ZNF248: variants seen among roughly 807,000 people sequenced by gnomAD.
ZNF248 encodes zinc finger protein 248.
In ZNF248, 20 loss-of-function variants were observed where a neutral mutation model predicts 44.3. The ratio of observed to expected loss-of-function variants is 0.45; its 90% CI spans 0.32 to 0.66. The LOEUF (loss-of-function observed/expected upper bound fraction) is 0.66, where lower values mean the gene tolerates loss of function less well. ZNF248 is among the 30% of genes least tolerant of loss of function. The probability of loss-of-function intolerance (pLI) is 0.04; values close to 1 mark genes in which losing one functional copy is unlikely to be tolerated. For synonymous variants in ZNF248, 224 were observed against 229.0 expected (o/e 0.98, Z 0.20); for missense variants, 654 against 677.0 (o/e 0.97, Z 0.38).
chr10:37,762,725 A>G, the ZNF248 span, among the ~76,000 whole-genome samples: 2 of 152,340 alleles, frequency 1.3e-5, no homozygotes, highest in East Asian at 3.9e-4. Flanking sequence ...CTACATACAA[A>G]TAGTTCCTGG....
At chr10:37,839,251 G>C (rs572433118) in intron 3 of ZNF248, among the ~76,000 whole-genome samples, 2 of 152,282 alleles carry the variant, frequency 1.3e-5, no homozygotes, top group South Asian at 4.1e-4. Flanking sequence ...GAGGAGTTAA[G>C]TGTGTTCTGT....
chr10:37,851,787 A>C lies in ZNF248; in HGVS notation c.15+4509T>G, dbSNP rs12217867. Among the ~76,000 whole-genome samples, 68 of 150,596 alleles carry C rather than the reference A, an allele frequency of 4.5e-4. 1 individual carries two copies. In the East Asian group the frequency reaches 0.011, roughly 23 times the overall value. ...AATGACCAAAAAAAAAAAAAAAAAA[A>C]AAAAAAACCAGTGCTAACACCAAGT... On this transcript the variant is annotated intron_variant, in intron 3 of 5. Coordinates refer to ENST00000395867, the MANE Select transcript of ZNF248 (RefSeq NM_021045.3).
chr10:37,839,514 C>T (rs1361507179), intron 3 of ZNF248, among the ~76,000 whole-genome samples: 1 of 143,796 alleles, frequency 7.0e-6, no homozygotes, highest in Non-Finnish European at 1.5e-5. Flanking sequence ...CAAACACACA[C>T]ACACACACAC....
Position 37,828,983 on chromosome 10 carries a change from A to G in ZNF248, c.*2632T>C. 1.0e-6 allele frequency: 1 copy of G among 985,494 alleles called. No homozygotes were observed. Among genetic ancestry groups the G allele is most frequent in the Non-Finnish European group, 1.2e-6 (1 of 829,944 alleles). 61.0% of individuals were successfully genotyped at this position (985,494 alleles called of 1,614,324 possible). ...AAACACTTAACTTGCAACTAGTAGA[A>G]TAACTTTATTTCTAACACTGAGCCT... On this transcript the variant is annotated 3_prime_UTR_variant, in exon 6 of 6. Transcript: ENST00000395867.
rs1245671017 is a variant in ZNF248, at chr10:37,829,068, C to T, written c.*2547G>A. On this transcript the variant is annotated 3_prime_UTR_variant, in exon 6 of 6. Coordinates refer to ENST00000395867, the MANE Select transcript of ZNF248 (RefSeq NM_021045.3). ...TGCTGCTTATTCTCCATTTCTCTTC[C>T]CAGATTCTCTCTCCACCCTTCTCTG... 1 of 985,334 alleles carries T rather than the reference C, an allele frequency of 1.0e-6. No homozygotes were observed. The highest frequency in any genetic ancestry group is 6.1e-5 in the Admixed American group (1 of 16,264). 61.0% of individuals were successfully genotyped at this position (985,334 alleles called of 1,614,324 possible). A position where few individuals can be genotyped will look rare whatever the true frequency, so the allele number is the denominator to read the frequency against.
chr10:37,797,768 C>T (rs577145621), intron 6 of ZNF248, among the ~76,000 whole-genome samples: 1 of 152,176 alleles, frequency 6.6e-6, no homozygotes, highest in South Asian at 2.1e-4. Flanking sequence ...TCCTTTCACA[C>T]CCACTAGAAA....
chr10:37,820,602 G>C (rs559955719), intron 6 of ZNF248: 1 of 1,587,328 alleles, frequency 6.3e-7, no homozygotes, highest in South Asian at 1.1e-5. Flanking sequence ...CTAATTTTAC[G>C]TCCCCCAGCA....
Position 37,832,018 on chromosome 10 carries a change from C to A in ZNF248, c.1337G>T (p.Cys446Phe). The A allele has an allele frequency of 6.2e-7, 1 of 1,614,068 alleles. No individual in the cohort carries two copies. The highest frequency in any genetic ancestry group is 8.5e-7 in the Non-Finnish European group (1 of 1,179,938). ...ATGTTCAGTGAGGTTTGACTTCACACAGAATGTTTTTCCACATTGCTTACA... is the reference window on the plus strand; with the variant it reads ...ATGTTCAGTGAGGTTTGACTTCACAAAGAATGTTTTTCCACATTGCTTACA... ...YECKQCGKTF[C>F]VKSNLTEHQR... The change falls in exon 6 of 6, where the codon TGT (cysteine) becomes TTT (phenylalanine). Residue 446 changes from cysteine (C) to phenylalanine (F), a missense_variant. Cys to Phe is a radical substitution (Grantham distance 205). Coordinates refer to ENST00000395867, the MANE Select transcript of ZNF248 (RefSeq NM_021045.3).
chr10:37,832,646 T>C lies in ZNF248; in HGVS notation c.709A>G (p.Ile237Val). 1 of 1,613,386 alleles carries C rather than the reference T, an allele frequency of 6.2e-7. No individual in the cohort carries two copies. Among genetic ancestry groups the C allele is most frequent in the Non-Finnish European group, 8.5e-7 (1 of 1,179,898 alleles). The part of the protein sequence containing the change: ...AAFFTNKRSQ[I>V]GETVCKYNEC... ...TTATATTTACAGACTGTCTCTCCTA[T>C]CTGAGATCTCTTATTTGTAAAAAAT... The change falls in exon 6 of 6, where the codon ATA becomes GTA. Residue 237 changes from isoleucine to valine, a missense_variant. Transcript: ENST00000395867.
intron 3 of ZNF248, among the ~76,000 whole-genome samples, chr10:37,848,206 G>C (rs148813668): frequency 6.6e-6 from 1 of 151,904 alleles, no homozygotes; most frequent in African/African-American, 2.4e-5. Context: ...CCAGGAGGAG[G>C]AAGTTGCAGA....
chr10:37,810,571 A>C (rs2051330572), intron 6 of ZNF248, among the ~76,000 whole-genome samples: 1 of 152,194 alleles, frequency 6.6e-6, no homozygotes, highest in South Asian at 2.1e-4. Context: ...TTTTGGAGAT[A>C]TGTGACAATT....
At position 37,829,270 on chromosome 10, in the gene ZNF248, C is replaced by G; in HGVS notation, c.*2345G>C. ...GTTTCCCTCCTTGCCCTTCAAGGCTCAGAATGGCAATGGCTTCCTGCTGAT... is the reference window on the plus strand; with the variant it reads ...GTTTCCCTCCTTGCCCTTCAAGGCTGAGAATGGCAATGGCTTCCTGCTGAT... On this transcript the variant is annotated 3_prime_UTR_variant, in exon 6 of 6. Coordinates refer to ENST00000395867, the MANE Select transcript of ZNF248 (RefSeq NM_021045.3). The G allele has an allele frequency of 1.0e-6, 1 of 985,296 alleles. No homozygotes were observed. Among genetic ancestry groups the G allele is most frequent in the Non-Finnish European group, 1.2e-6 (1 of 829,822 alleles). The allele number at this position is 985,296 out of a possible 1,614,324, so 61.0% of individuals were successfully genotyped here. A position where few individuals can be genotyped will look rare whatever the true frequency, so the allele number is the denominator to read the frequency against.
chr10:37,766,460 T>C, the ZNF248 span, among the ~76,000 whole-genome samples: 1 of 152,154 alleles, frequency 6.6e-6, no homozygotes, highest in African/African-American at 2.4e-5. Flanking sequence ...CAAGATCCGC[T>C]GTTCTACAGC....
intron 6 of ZNF248, chr10:37,791,515 T>C (rs2048549699): frequency 6.6e-6 from 1 of 152,128 alleles, no homozygotes; most frequent in Non-Finnish European, 1.5e-5. Context: ...CATATACCAA[T>C]TGAAGAGGTG....
At chr10:37,856,257 T>C (rs1198789689) in intron 3 of ZNF248, 39 bp downstream of exon 3, 4 of 1,601,420 alleles carry the variant, frequency 2.5e-6, no homozygotes, top group African/African-American at 2.7e-5. Flanking sequence ...CAGAAATCCA[T>C]TTTTAAACAA....
chr10:37,790,725 TA>T (rs2048411124), intron 6 of ZNF248, among the ~76,000 whole-genome samples: 1 of 149,262 alleles, frequency 6.7e-6, no homozygotes, highest in African/African-American at 2.4e-5. Flanking sequence ...AATAAATAAA[TA>T]AATAAATAAT....
chr10:37,842,991 GAGTACC>G (rs1376544965), intron 3 of ZNF248, among the ~76,000 whole-genome samples: 1 of 152,268 alleles, frequency 6.6e-6, no homozygotes, highest in Admixed American at 6.5e-5. Context: ...AAATGTTAAA[GAGTACC>G]CCAGCGCAGA....
At chr10:37,766,959 G>C in the ZNF248 span, among the ~76,000 whole-genome samples, 5 of 152,092 alleles carry the variant, frequency 3.3e-5, no homozygotes, top group Admixed American at 2.6e-4. Context: ...GCCAAGGCTC[G>C]AGAACTACGT....
At chr10:37,849,234 G>A (rs2059816148) in intron 3 of ZNF248, among the ~76,000 whole-genome samples, 1 of 151,726 alleles carries the variant, frequency 6.6e-6, no homozygotes, top group Non-Finnish European at 1.5e-5. Context: ...ATTTGAGGCT[G>A]CAGTCAGCTA....
Sources: gnomAD v4.1 joint callset for allele counts (sites outside exome capture counted in the v4.1 genomes callset) on GRCh38, gnomAD v4.1.1 for gene constraint, MANE v1.5 for transcripts, NCBI Gene and HGNC (gene_info 2026-07-23, HGNC 2026-07-21) for gene names.